The following CFAP161 variants were observed in gnomAD, a reference collection of about 807,000 sequenced individuals.
The protein encoded by CFAP161 is cilia- and flagella-associated protein 161.
Under a neutral mutation model 29.0 loss-of-function variants are expected in CFAP161, and 25 were observed. That is an observed-to-expected ratio of 0.86 (90% confidence interval 0.63 to 1.20). The LOEUF (loss-of-function observed/expected upper bound fraction) is 1.20. Ranked by LOEUF, CFAP161 falls within the 50% of genes most tolerant of loss-of-function variation. The pLI is 0.00. For synonymous variants in CFAP161, 116 were observed against 137.4 expected, an observed-to-expected ratio of 0.84 and a Z score of 1.09; for missense variants, 367 against 371.9, an observed-to-expected ratio of 0.99 and a Z score of 0.11.
At chr15:81,148,221 C>T in intron 6 of CFAP161, 117 bp from the exon 7 acceptor site, 2 of 1,064,648 alleles carry the variant, frequency 1.9e-6, no homozygotes, top group Non-Finnish European at 2.7e-6. Flanking sequence ...TAGAGATTCC[C>T]TAGGGCTTTA....
rs962651950 is a variant in CFAP161 at position 81,134,295 on chromosome 15, C to G, written c.-35C>G. 3.2e-6 allele frequency: 5 copies of G among 1,565,430 alleles called. No individual in the cohort carries two copies. Among genetic ancestry groups the G allele is most frequent in the African/African-American group, 1.3e-5 (1 of 74,306 alleles). ...GACGCGCCACGCTAACGCATGGTGTCGGAGGGAGGCCCACTTGCTGAACAG... is the reference window on the plus strand; with the variant it reads ...GACGCGCCACGCTAACGCATGGTGTGGGAGGGAGGCCCACTTGCTGAACAG... On this transcript the variant is annotated 5_prime_UTR_variant, in exon 1 of 7. Transcript: ENST00000286732.
chr15:81,134,826 G>A (rs1188202930), intron 1 of CFAP161, among the ~76,000 whole-genome samples: 1 of 151,426 alleles, frequency 6.6e-6, no homozygotes, highest in Non-Finnish European at 1.5e-5. Context: ...CCTCTTAAAT[G>A]ACCCTGAGTA....
intron 2 of CFAP161, among the ~76,000 whole-genome samples, chr15:81,127,879 A>G (rs1040387553): frequency 2.0e-5 from 3 of 152,238 alleles, no homozygotes; most frequent in Non-Finnish European, 2.9e-5. Flanking sequence ...GAGCATTGCA[A>G]TGGGACTATG....
chr15:81,103,596 G>A lies in CFAP161; in HGVS notation c.-141-23994G>A, dbSNP rs542100109. ...CCCAGGAAGGGCATGGAAGCGCCGC[G>A]TCCCGTCCCCCATAGCTCGCCATAT... On this transcript the variant is annotated intron_variant, in intron 1 of 4. Transcript: ENST00000560091. Among the ~76,000 whole-genome samples, 17 of 152,248 alleles carry A rather than the reference G, an allele frequency of 1.1e-4. No individual in the cohort carries two copies. In the South Asian group the frequency reaches 2.1e-3, roughly 19 times the overall value.
chr15:81,142,599 C>T (rs770181563), intron 4 of CFAP161, among the ~76,000 whole-genome samples: 7 of 152,186 alleles, frequency 4.6e-5, no homozygotes, highest in Non-Finnish European at 8.8e-5. Context: ...AAGCTGCATG[C>T]AGGTGCTTCC....
upstream of CFAP161, among the ~76,000 whole-genome samples, chr15:81,130,884 C>G (rs1261675831): frequency 6.6e-6 from 1 of 152,062 alleles, no homozygotes; most frequent in Non-Finnish European, 1.5e-5. Flanking sequence ...GTGGAGCAGT[C>G]AGAACACCTA....
intron 1 of CFAP161, among the ~76,000 whole-genome samples, chr15:81,122,788 GGC>G (rs1178609005): frequency 6.6e-6 from 1 of 151,990 alleles, no homozygotes; most frequent in Non-Finnish European, 1.5e-5. Context: ...CACCGTGCCT[GGC>G]CGATGTTGAT....
At chr15:81,126,267 T>C (rs1894640442) in intron 1 of CFAP161, among the ~76,000 whole-genome samples, 2 of 152,260 alleles carry the variant, frequency 1.3e-5, no homozygotes, top group African/African-American at 2.4e-5. Context: ...TGATAGGTAA[T>C]TGAATGAAGG....
At chr15:81,138,814 G>A (rs1435943763) in intron 4 of CFAP161, among the ~76,000 whole-genome samples, 2 of 152,086 alleles carry the variant, frequency 1.3e-5, no homozygotes, top group Non-Finnish European at 2.9e-5. Context: ...TTGCCTTTGA[G>A]GTAGGGACTA....
chr15:81,125,707 C>T (rs77079483), intron 1 of CFAP161, among the ~76,000 whole-genome samples: 1,689 of 152,238 alleles, frequency 0.011, 30 homozygotes, highest in African/African-American at 0.038. Flanking sequence ...TGACCAACGA[C>T]ATCAGATTTT....
intron 1 of CFAP161, among the ~76,000 whole-genome samples, chr15:81,105,710 C>T (rs1422032383): frequency 1.3e-5 from 2 of 152,172 alleles, no homozygotes; most frequent in Admixed American, 1.3e-4. Flanking sequence ...GCTATGAGAT[C>T]CAGATGGACA....
intron 1 of CFAP161, among the ~76,000 whole-genome samples, chr15:81,105,897 A>G (rs573991688): frequency 6.6e-6 from 1 of 152,324 alleles, no homozygotes; most frequent in South Asian, 2.1e-4. Context: ...CAATTCACTG[A>G]TGTGGCAGGT....
Position 81,135,268 on chromosome 15 carries a change from A to C in CFAP161, c.70-2A>C. The C allele has an allele frequency of 6.3e-7, 1 of 1,580,492 alleles. No individual in the cohort carries two copies. The highest frequency in any genetic ancestry group is 8.6e-7 in the Non-Finnish European group (1 of 1,165,008). On this transcript the variant is annotated splice_acceptor_variant, in intron 1 of 6. Coordinates refer to ENST00000286732, the MANE Select transcript of CFAP161 (RefSeq NM_173528.4). LOFTEE classifies it high-confidence loss of function. ...GGCTACTTTTGTTGATTTTCTGTTTAGGAGCTCATGAAAGACTTCTTAGAG... is the reference window on the plus strand; with the variant it reads ...GGCTACTTTTGTTGATTTTCTGTTTCGGAGCTCATGAAAGACTTCTTAGAG...
At chr15:81,137,820 G>A (rs186654477) in intron 3 of CFAP161, among the ~76,000 whole-genome samples, 290 of 152,308 alleles carry the variant, frequency 1.9e-3, no homozygotes, top group Admixed American at 3.5e-3. Flanking sequence ...CTCACAAAGT[G>A]GGGATGCTTT....
Position 81,143,834 on chromosome 15 carries a change from C to G in CFAP161, c.636+14C>G, listed in dbSNP as rs376758712. 30 of 1,608,966 alleles carry G rather than the reference C, an allele frequency of 1.9e-5. No homozygotes were observed. The highest frequency in any genetic ancestry group is 2.5e-5 in the Non-Finnish European group (29 of 1,176,450). ...TTCCCCGTCCCGGTGAGTGCAGCATCGGGAAGACATGGGTGTCTAGGCTAT... is the reference window on the plus strand; with the variant it reads ...TTCCCCGTCCCGGTGAGTGCAGCATGGGGAAGACATGGGTGTCTAGGCTAT... On this transcript the variant is annotated intron_variant, in intron 5 of 6. Transcript: ENST00000286732.
chr15:81,134,631 C>A (rs748083098), intron 1 of CFAP161, among the ~76,000 whole-genome samples: 4 of 152,128 alleles, frequency 2.6e-5, no homozygotes, highest in Non-Finnish European at 5.9e-5. Context: ...CTCTGGGTCC[C>A]TTGGCCTCCC....
At chr15:81,137,842 A>G (rs1894838300) in intron 3 of CFAP161, among the ~76,000 whole-genome samples, 1 of 152,318 alleles carries the variant, frequency 6.6e-6, no homozygotes, top group African/African-American at 2.4e-5. Context: ...TGTGCTAGCT[A>G]TGGTGCAGGG....
chr15:81,105,184 TTTTC>T (rs1350697340), intron 1 of CFAP161, among the ~76,000 whole-genome samples: 18 of 60,090 alleles, frequency 3.0e-4, no homozygotes, highest in South Asian at 6.4e-4. Flanking sequence ...TCCCTTCCTT[TTTTC>T]CTCCCTCACT....
chr15:81,147,746 T>C, intron 5 of CFAP161, 112 bp from the exon 6 acceptor site: 1 of 560,040 alleles, frequency 1.8e-6, no homozygotes. Context: ...TCTACTAAAT[T>C]GAAATAAATG....
Sources: gnomAD v4.1 joint callset for allele counts (sites outside exome capture counted in the v4.1 genomes callset) on GRCh38, gnomAD v4.1.1 for gene constraint, MANE v1.5 for transcripts, NCBI Gene and HGNC (gene_info 2026-07-23, HGNC 2026-07-21) for gene names.